WASF3: variants seen among roughly 807,000 people sequenced by gnomAD.
WASF3 encodes actin-binding protein WASF3.
A neutral mutation model predicts 46.6 loss-of-function variants in WASF3; 11 were observed. That is an observed-to-expected ratio of 0.24 (90% CI 0.15 to 0.39). WASF3 has a LOEUF of 0.39. WASF3 is among the 10% of genes least tolerant of loss of function. The pLI is 1.00. For missense variants in WASF3, 576 were observed against 669.8 expected, an observed-to-expected ratio of 0.86 and a Z score of 1.55; for synonymous variants, 242 against 259.7, an observed-to-expected ratio of 0.93 and a Z score of 0.65.
chr13:26,649,966 G>C (rs542039193), intron 3 of WASF3, among the ~76,000 whole-genome samples: 29 of 152,210 alleles, frequency 1.9e-4, no homozygotes, highest in Admixed American at 9.8e-4. Context: ...AGCTACTCGG[G>C]GGGAGAGGCA....
chr13:26,571,151 T>C (rs1161951261), intron 1 of WASF3, among the ~76,000 whole-genome samples: 1 of 152,196 alleles, frequency 6.6e-6, no homozygotes, highest in Non-Finnish European at 1.5e-5. Flanking sequence ...CTGTTCATTT[T>C]TTAAAAGTTT....
chr13:26,550,446 A>G, the WASF3 span, among the ~76,000 whole-genome samples: 3 of 152,224 alleles, frequency 2.0e-5, no homozygotes, highest in African/African-American at 7.2e-5. Flanking sequence ...GGGATGAAGA[A>G]GAGGAATAAT....
rs1259177686 is a variant in WASF3 at position 26,688,599 on chromosome 13, A to C, written c.*2754A>C. 2.6e-5 allele frequency: 4 copies of C among 152,250 alleles called. No individual in the cohort carries two copies. The highest frequency in any genetic ancestry group is 2.6e-4 in the Admixed American group (4 of 15,280). 9.4% of individuals were successfully genotyped at this position (152,250 alleles called of 1,614,324 possible). Reference sequence around the variant, plus strand: ...TTACTAAGGATACTATTCAAAAATTAACATTTTCATCTCAGTAAGTTTTTA... The same window carrying C: ...TTACTAAGGATACTATTCAAAAATTCACATTTTCATCTCAGTAAGTTTTTA... On this transcript the variant is annotated 3_prime_UTR_variant, in exon 10 of 10. Coordinates refer to ENST00000335327, the MANE Select transcript of WASF3 (RefSeq NM_006646.6).
intron 1 of WASF3, among the ~76,000 whole-genome samples, chr13:26,560,328 A>G (rs1046505165): frequency 2.0e-5 from 3 of 152,220 alleles, no homozygotes; most frequent in Non-Finnish European, 4.4e-5. Flanking sequence ...GATGTACATT[A>G]TAAAATAAAC....
In WASF3 at chr13:26,576,501, C is replaced by T. The variant is rs528256834; in HGVS notation, c.-109+18682C>T. Among the ~76,000 whole-genome samples, 53 of 152,248 alleles carry T rather than the reference C, an allele frequency of 3.5e-4. 1 individual carries two copies. Among genetic ancestry groups the T allele is most frequent in the Middle Eastern group, 3.4e-3 (1 of 294 alleles). On this transcript the variant is annotated intron_variant, in intron 1 of 9. Transcript: ENST00000335327. ...GAAATTGCAGTGGTCTGAAGTGGTACGTGGGCTTTGAATATTTTAAATGAT... is the reference window on the plus strand; with the variant it reads ...GAAATTGCAGTGGTCTGAAGTGGTATGTGGGCTTTGAATATTTTAAATGAT...
chr13:26,556,038 G>A (rs1236565249), upstream of WASF3, among the ~76,000 whole-genome samples: 1 of 152,178 alleles, frequency 6.6e-6, no homozygotes, highest in South Asian at 2.1e-4. Context: ...GCTCAGCACT[G>A]TACTAGGCAT....
chr13:26,652,611 G>A (rs1156577816), intron 3 of WASF3, among the ~76,000 whole-genome samples: 1 of 152,118 alleles, frequency 6.6e-6, no homozygotes, highest in African/African-American at 2.4e-5. Flanking sequence ...CATCTGGTAG[G>A]CCATAAAATA....
intron 1 of WASF3, among the ~76,000 whole-genome samples, chr13:26,565,140 A>G (rs1221795486): frequency 8.7e-5 from 13 of 149,146 alleles, no homozygotes; most frequent in Admixed American, 8.1e-4. Context: ...AGATCACACC[A>G]CTGTACTCCA....
At chr13:26,555,608 T>A (rs1368011401), upstream of WASF3, among the ~76,000 whole-genome samples, 4 of 152,230 alleles carry the variant, frequency 2.6e-5, no homozygotes, top group East Asian at 7.7e-4. Flanking sequence ...CCCCCTACCA[T>A]TTTCCTCAAT....
At chr13:26,636,960 C>T (rs557472719) in intron 2 of WASF3, among the ~76,000 whole-genome samples, 1 of 152,320 alleles carries the variant, frequency 6.6e-6, no homozygotes, top group East Asian at 1.9e-4. Context: ...CAGAACTTCA[C>T]CGCAGTTGCC....
At chr13:26,574,567 C>CTTTTAT (rs1255170281) in intron 1 of WASF3, among the ~76,000 whole-genome samples, 3 of 151,890 alleles carry the variant, frequency 2.0e-5, no homozygotes, top group Non-Finnish European at 4.4e-5. Flanking sequence ...TTATATACAG[C>CTTTTAT]ATAGTCTTTG....
chr13:26,625,370 G>A (rs938387640), intron 2 of WASF3, among the ~76,000 whole-genome samples: 1 of 152,172 alleles, frequency 6.6e-6, no homozygotes. Context: ...AAAGCCAGTG[G>A]TGTAATTCAT....
intron 3 of WASF3, among the ~76,000 whole-genome samples, chr13:26,644,727 A>G (rs991280126): frequency 1.3e-5 from 2 of 152,094 alleles, no homozygotes; most frequent in African/African-American, 4.8e-5. Flanking sequence ...CTGGGGGTGA[A>G]AAAGCCGTAA....
At chr13:26,658,710 G>A (rs931560612) in intron 3 of WASF3, among the ~76,000 whole-genome samples, 1 of 152,178 alleles carries the variant, frequency 6.6e-6, no homozygotes, top group Admixed American at 6.5e-5. Flanking sequence ...GCAGTGCAGA[G>A]GTGAAAGGCA....
At chr13:26,645,037 A>T (rs555606599) in intron 3 of WASF3, among the ~76,000 whole-genome samples, 1 of 152,216 alleles carries the variant, frequency 6.6e-6, no homozygotes, top group Non-Finnish European at 1.5e-5. Context: ...GCACAGTGAT[A>T]TATACTGCCA....
Position 26,679,697 on chromosome 13 carries a change from T to C in WASF3, c.717-1357T>C, listed in dbSNP as rs1883169132. On this transcript the variant is annotated intron_variant, in intron 7 of 9. Coordinates refer to ENST00000335327, the MANE Select transcript of WASF3 (RefSeq NM_006646.6). The surrounding 1 kb of genome is among the most constrained non-coding windows in gnomAD (Gnocchi z 4.8). Reference sequence around the variant, plus strand: ...AGGAATTTACATTTTTAAAATACTCTAAATCTAAATACAGGTCAGGTCCTT... The same window carrying C: ...AGGAATTTACATTTTTAAAATACTCCAAATCTAAATACAGGTCAGGTCCTT... Among the ~76,000 whole-genome samples the C allele has an allele frequency of 6.6e-6, 1 of 152,212 alleles. No homozygotes were observed. The highest frequency in any genetic ancestry group is 2.4e-5 in the African/African-American group (1 of 41,456).
chr13:26,667,490 T>C (rs1202522718), intron 4 of WASF3, 27 bp from the exon 5 acceptor site: 1 of 1,593,640 alleles, frequency 6.3e-7, no homozygotes, highest in Non-Finnish European at 8.5e-7. Context: ...TCTATATAAC[T>C]CAACTTGGGG....
upstream of WASF3, among the ~76,000 whole-genome samples, chr13:26,554,100 T>C (rs191929056): frequency 4.9e-4 from 48 of 98,338 alleles, no homozygotes; most frequent in African/African-American, 1.1e-3. Flanking sequence ...TCCTTCCTTC[T>C]TTCTTTCTTT....
chr13:26,633,218 T>TTTTTTTTTTTTTGGG (rs1170327196), intron 2 of WASF3, among the ~76,000 whole-genome samples: 1 of 148,106 alleles, frequency 6.8e-6, no homozygotes, highest in African/African-American at 2.5e-5. Flanking sequence ...TTTTTTTTTC[T>TTTTTTTTTTTTTGGG]TGAGGCAGAG....
Sources: gnomAD v4.1 joint callset for allele counts (sites outside exome capture counted in the v4.1 genomes callset) on GRCh38, gnomAD v4.1.1 for gene constraint, Gnocchi (gnomAD v3.1) non-coding constraint, MANE v1.5 for transcripts, NCBI Gene and HGNC (gene_info 2026-07-23, HGNC 2026-07-21) for gene names.